The following ACOXL variants were observed in gnomAD, a reference collection of about 807,000 sequenced individuals.
ACOXL encodes acyl-coenzyme A oxidase-like protein.
In ACOXL, 70 loss-of-function variants were observed where a neutral mutation model predicts 71.9. The ratio of observed to expected loss-of-function variants is 0.97; its 90% CI spans 0.80 to 1.19. The LOEUF (loss-of-function observed/expected upper bound fraction) is 1.19, where lower values mean the gene tolerates loss of function less well. Ranked by LOEUF, ACOXL falls within the 50% of genes most tolerant of loss-of-function variation. The pLI, the probability that ACOXL is intolerant of heterozygous loss-of-function variation, is 0.00. For synonymous variants in ACOXL, 253 were observed against 281.6 expected (o/e 0.90, Z 1.02); for missense variants, 703 against 736.3 (o/e 0.95, Z 0.52).
chr2:111,107,014 C>T (rs540585309), intron 17 of ACOXL, among the ~76,000 whole-genome samples: 1 of 152,328 alleles, frequency 6.6e-6, no homozygotes, highest in Non-Finnish European at 1.5e-5. Context: ...TCTCTACTTC[C>T]AGGTTGAGGT....
chr2:111,000,953 T>G (rs1275112602), intron 14 of ACOXL, among the ~76,000 whole-genome samples: 1 of 152,114 alleles, frequency 6.6e-6, no homozygotes, highest in South Asian at 2.1e-4. Context: ...AATTAAAAAA[T>G]TAAAATGGCT....
At chr2:110,831,639 A>G (rs1039755755) in intron 9 of ACOXL, among the ~76,000 whole-genome samples, 2 of 152,250 alleles carry the variant, frequency 1.3e-5, no homozygotes, top group African/African-American at 4.8e-5. Context: ...AATTCTGAAA[A>G]AGAAGAATAA....
chr2:110,968,398 G>T, intron 12 of ACOXL: 1 of 1,149,374 alleles, frequency 8.7e-7, no homozygotes, highest in South Asian at 1.2e-5. Flanking sequence ...TGAAAGCAAG[G>T]AATTTAATGC....
At chr2:110,961,163 C>T (rs1273303011) in intron 12 of ACOXL, among the ~76,000 whole-genome samples, 1 of 152,210 alleles carries the variant, frequency 6.6e-6, no homozygotes, top group East Asian at 1.9e-4. Flanking sequence ...ATTTCATTTT[C>T]AGCTCCCTGC....
chr2:110,842,473 T>TA (rs1297106010), intron 10 of ACOXL, among the ~76,000 whole-genome samples: 2 of 152,222 alleles, frequency 1.3e-5, no homozygotes, highest in Non-Finnish European at 2.9e-5. Flanking sequence ...CACATTTATT[T>TA]AATATAAGTT....
intron 17 of ACOXL, chr2:111,093,628 G>A: frequency 4.7e-6 from 6 of 1,277,944 alleles, no homozygotes; most frequent in Non-Finnish European, 5.5e-6. Context: ...ACTATGGGAG[G>A]CTGAGGCGGG....
In ACOXL at chr2:111,049,470, G is replaced by A. The variant is rs142523061; in HGVS notation, c.1440+182G>A. Among the ~76,000 whole-genome samples, 3 of 152,274 alleles carry A rather than the reference G, an allele frequency of 2.0e-5. No homozygotes were observed. The East Asian group carries it at 5.8e-4, about 29-fold the overall frequency. On this transcript the variant is annotated intron_variant, in intron 16 of 17. Coordinates refer to ENST00000439055, the MANE Select transcript of ACOXL (RefSeq NM_001142807.4). ...GTTAACGAGCACCACTGCTGCCTGC[G>A]GAGTGCGGGAAAGTGACAGGAGAGT...
intron 10 of ACOXL, among the ~76,000 whole-genome samples, chr2:110,872,149 T>C (rs1695355099): frequency 6.6e-6 from 1 of 152,136 alleles, no homozygotes; most frequent in African/African-American, 2.4e-5. Flanking sequence ...CATCACATCA[T>C]TGAGGCTGGA....
chr2:110,766,716 G>A (rs1681122725), intron 1 of ACOXL, among the ~76,000 whole-genome samples: 1 of 152,180 alleles, frequency 6.6e-6, no homozygotes, highest in Non-Finnish European at 1.5e-5. Context: ...TGCTGATGGG[G>A]TGTTGGTGTG....
intron 9 of ACOXL, among the ~76,000 whole-genome samples, chr2:110,811,831 C>T (rs981660429): frequency 3.4e-5 from 5 of 148,362 alleles, no homozygotes; most frequent in African/African-American, 1.2e-4. Flanking sequence ...TGGGGAAGTC[C>T]AGTGGGATGA....
At chr2:111,089,466 G>GTAGACC (rs929944270) in intron 16 of ACOXL, among the ~76,000 whole-genome samples, 6 of 152,210 alleles carry the variant, frequency 3.9e-5, no homozygotes, top group African/African-American at 1.4e-4. Flanking sequence ...TTCAGCTGAT[G>GTAGACC]TAGACCTATC....
chr2:111,009,589 C>T (rs1236331337), intron 14 of ACOXL, among the ~76,000 whole-genome samples: 1 of 151,676 alleles, frequency 6.6e-6, no homozygotes, highest in Non-Finnish European at 1.5e-5. Context: ...GGAGGAACAT[C>T]CCAAAAAGAA....
chr2:110,876,603 C>T (rs543351715), intron 10 of ACOXL, among the ~76,000 whole-genome samples: 6 of 152,278 alleles, frequency 3.9e-5, no homozygotes, highest in East Asian at 1.9e-4. Flanking sequence ...AGTGCTTCTC[C>T]GCAGGCACCG....
At chr2:111,005,719 G>T (rs2063840411) in intron 14 of ACOXL, among the ~76,000 whole-genome samples, 1 of 152,086 alleles carries the variant, frequency 6.6e-6, no homozygotes, top group Non-Finnish European at 1.5e-5. Flanking sequence ...TGTCTGTGTT[G>T]GCGATTGGGT....
At chr2:110,963,584 TG>T in intron 12 of ACOXL, 3 of 1,200,602 alleles carry the variant, frequency 2.5e-6, no homozygotes, top group South Asian at 1.6e-5. Flanking sequence ...TGTGTGTGTG[TG>T]TGTGTGTGTG....
In ACOXL at chr2:110,883,469, A is replaced by G. The variant is rs184972747; in HGVS notation, c.789-25320A>G. On this transcript the variant is annotated intron_variant, in intron 10 of 17. Coordinates refer to ENST00000439055, the MANE Select transcript of ACOXL (RefSeq NM_001142807.4). ...CAGGGCACACATTTGTCTGGTGTGC[A>G]TAGGATAGTCCTGGTTTGCTCCTGT... 1.3e-4 allele frequency among the ~76,000 whole-genome samples: 20 copies of G among 152,304 alleles called. No homozygotes were observed. In the East Asian group the frequency reaches 3.1e-3, roughly 24 times the overall value.
At chr2:110,770,736 A>G (rs1414474060) in intron 2 of ACOXL, among the ~76,000 whole-genome samples, 4 of 152,224 alleles carry the variant, frequency 2.6e-5, no homozygotes, top group African/African-American at 4.8e-5. Context: ...AGTCGCCTCC[A>G]AGTGCGTTCG....
intron 10 of ACOXL, among the ~76,000 whole-genome samples, chr2:110,866,025 T>C (rs1485753306): frequency 6.6e-6 from 1 of 152,104 alleles, no homozygotes; most frequent in African/African-American, 2.4e-5. Flanking sequence ...CCCAGAGTGG[T>C]AAATACTATT....
intron 12 of ACOXL, among the ~76,000 whole-genome samples, chr2:110,934,545 T>C (rs1034660930): frequency 6.6e-6 from 1 of 152,084 alleles, no homozygotes; most frequent in Non-Finnish European, 1.5e-5. Context: ...AGAGAATGGA[T>C]CAAGGGCAAG....
Sources: allele counts gnomAD v4.1 joint callset (sites outside exome capture counted in the v4.1 genomes callset), GRCh38; gene constraint gnomAD v4.1.1; transcripts MANE v1.5; gene names NCBI Gene and HGNC (gene_info 2026-07-23, HGNC 2026-07-21).